Variants in ZFHX4 observed in about 807,000 individuals in gnomAD.
ZFHX4 encodes the protein zinc finger homeobox protein 4.
In ZFHX4, 56 loss-of-function variants were observed where a neutral mutation model predicts 267.6. That is an observed-to-expected ratio of 0.21 (90% confidence interval 0.17 to 0.26). ZFHX4 has a LOEUF of 0.26. ZFHX4 is among the 10% of genes least tolerant of loss of function. The pLI, the probability that ZFHX4 is intolerant of heterozygous loss-of-function variation, is 1.00. For synonymous variants in ZFHX4, 1,778 were observed against 1,665.6 expected (o/e 1.07, Z -1.64); for missense variants, 4,332 against 4,420.0 (o/e 0.98, Z 0.56).
intron 6 of ZFHX4, among the ~76,000 whole-genome samples, chr8:76,843,039 AT>A (rs1812277923): frequency 6.6e-6 from 1 of 152,178 alleles, no homozygotes; most frequent in Non-Finnish European, 1.5e-5. Flanking sequence ...CAGTGAGATT[AT>A]TTTTTAATCA....
chr8:76,719,692 C>T (rs1433249822), intron 3 of ZFHX4, among the ~76,000 whole-genome samples: 1 of 152,038 alleles, frequency 6.6e-6, no homozygotes, highest in Non-Finnish European at 1.5e-5. Context: ...TAATAGATAC[C>T]ACAAGATTCT....
At chr8:76,756,997 G>T in intron 3 of ZFHX4, among the ~76,000 whole-genome samples, 1 of 152,058 alleles carries the variant, frequency 6.6e-6, no homozygotes, top group East Asian at 1.9e-4. Context: ...AGCAGTGAAA[G>T]AATTTACCAT....
At position 76,779,382 on chromosome 8, in the gene ZFHX4, G is replaced by T. The variant is rs149686836; in HGVS notation, c.3325+943G>T. Reference sequence around the variant, plus strand: ...TAAAAATATACTTGAATTAGTGGTTGTGAACTTCAAAGTAAAGTTTAGACA... The same window carrying T: ...TAAAAATATACTTGAATTAGTGGTTTTGAACTTCAAAGTAAAGTTTAGACA... On this transcript the variant is annotated intron_variant, in intron 4 of 10. Transcript: ENST00000651372. Among the ~76,000 whole-genome samples, 1,005 of 152,198 alleles carry T rather than the reference G, an allele frequency of 6.6e-3. 19 individuals carry two copies. Among genetic ancestry groups the T allele is most frequent in the African/African-American group, 0.023 (952 of 41,512 alleles).
In ZFHX4 at chr8:76,705,039, C is replaced by T. The variant is rs754492746; in HGVS notation, c.951C>T (p.Cys317=). 1.4e-5 allele frequency: 22 copies of T among 1,613,792 alleles called. No individual in the cohort carries two copies. Among genetic ancestry groups the T allele is most frequent in the African/African-American group, 5.3e-5 (4 of 74,920 alleles). Residue 317 remains cysteine, a synonymous_variant, in exon 2 of 11, where the codon TGC becomes TGT. Coordinates refer to ENST00000651372, the MANE Select transcript of ZFHX4 (RefSeq NM_024721.5). The part of the protein sequence containing the change: ...DEEQKLLSNK[C]VSAIIQGIGK... ...AGCAGAAGCTCCTCAGTAATAAATG[C>T]GTCTCCGCCATAATACAGGGGATTG...
chr8:76,830,219 T>A (rs1811899210), intron 4 of ZFHX4, among the ~76,000 whole-genome samples: 1 of 152,204 alleles, frequency 6.6e-6, no homozygotes. Context: ...ATGATGTTGA[T>A]CACTCCCACA....
intron 3 of ZFHX4, among the ~76,000 whole-genome samples, chr8:76,726,512 T>C (rs1808857312): frequency 1.3e-5 from 2 of 152,240 alleles, no homozygotes; most frequent in Non-Finnish European, 2.9e-5. Context: ...GTTTTCATTT[T>C]AGTAGTGGTT....
At position 76,864,004 on chromosome 8, in the gene ZFHX4, G is replaced by A; in HGVS notation, c.10290G>A (p.Gln3430=). The A allele has an allele frequency of 6.2e-7, 1 of 1,613,784 alleles. No individual in the cohort carries two copies. Among genetic ancestry groups the A allele is most frequent in the Non-Finnish European group, 8.5e-7 (1 of 1,179,812 alleles). The part of the protein sequence containing the change: ...NHQKSFCYFG[Q]PLIDPQETVL... ...AAAAGTCCTTCTGTTATTTCGGTCA[G>A]CCTTTGATTGACCCACAAGAGACAG... The change falls in exon 11 of 11, where the codon CAG becomes CAA. Residue 3430 remains glutamine, a synonymous_variant. Coordinates refer to ENST00000651372, the MANE Select transcript of ZFHX4 (RefSeq NM_024721.5).
chr8:76,735,196 A>C (rs1341725404), intron 3 of ZFHX4, among the ~76,000 whole-genome samples: 3 of 152,134 alleles, frequency 2.0e-5, no homozygotes, highest in Non-Finnish European at 4.4e-5. Flanking sequence ...ATTGTACATA[A>C]GCACATTGAT....
chr8:76,755,633 A>G (rs993958994), intron 3 of ZFHX4, among the ~76,000 whole-genome samples: 2 of 152,208 alleles, frequency 1.3e-5, no homozygotes, highest in African/African-American at 4.8e-5. Context: ...AAGGCTGAAC[A>G]TTCTATTAGT....
intron 4 of ZFHX4, among the ~76,000 whole-genome samples, chr8:76,795,780 G>A (rs552692454): frequency 1.4e-4 from 21 of 152,044 alleles, no homozygotes; most frequent in East Asian, 1.9e-4. Flanking sequence ...CAGGTGATCC[G>A]CCCGCCTCCA....
rs1300075131 is a variant in ZFHX4 at position 76,706,017 on chromosome 8, C to T, written c.1929C>T (p.Thr643=). The part of the protein sequence containing the change: ...TMMHSRNSCK[T]LKCPKCNWHY... ...TGCACTCGAGGAACTCATGCAAAAC[C>T]CTCAAATGTCCTAAATGTAACTGGC... is the stretch of plus-strand genomic sequence containing the variant. The change falls in exon 2 of 11, where the codon ACC becomes ACT. Residue 643 remains threonine, a synonymous_variant. Coordinates refer to ENST00000651372, the MANE Select transcript of ZFHX4 (RefSeq NM_024721.5). 1 of 1,613,542 alleles carries T rather than the reference C, an allele frequency of 6.2e-7. No individual in the cohort carries two copies. The highest frequency in any genetic ancestry group is 1.1e-5 in the South Asian group (1 of 91,040).
chr8:76,712,779 T>C (rs1808460174), intron 3 of ZFHX4, among the ~76,000 whole-genome samples: 1 of 152,198 alleles, frequency 6.6e-6, no homozygotes, highest in South Asian at 2.1e-4. Flanking sequence ...CACTTTTGTA[T>C]TAGTTTCAGA....
At position 76,707,619 on chromosome 8, in the gene ZFHX4, T is replaced by C; in HGVS notation, c.2664T>C (p.Thr888=). The change falls in exon 3 of 11, where the codon ACT becomes ACC. Residue 888 remains threonine (T), a synonymous_variant. Transcript: ENST00000651372. ...TGGGTGATGACCTGTCCCTCCTTAC[T>C]GCAGGAGAGCTGTCACCTTATATCA... The part of the protein sequence containing the change: ...QLMGDDLSLL[T]AGELSPYISD... 6.2e-7 allele frequency: 1 copy of C among 1,613,944 alleles called. No individual in the cohort carries two copies. The highest frequency in any genetic ancestry group is 2.2e-5 in the East Asian group (1 of 44,876).
chr8:76,826,953 G>C (rs189444456), intron 4 of ZFHX4, among the ~76,000 whole-genome samples: 1 of 152,258 alleles, frequency 6.6e-6, no homozygotes, highest in African/African-American at 2.4e-5. Flanking sequence ...CTATTATTGG[G>C]TGGAAGAGGG....
chr8:76,828,413 T>C (rs995911940), intron 4 of ZFHX4, among the ~76,000 whole-genome samples: 10 of 152,214 alleles, frequency 6.6e-5, no homozygotes, highest in Non-Finnish European at 1.2e-4. Flanking sequence ...TCTGCTGCCC[T>C]GTGCCTTTAG....
At chr8:76,811,366 T>A (rs998467148) in intron 4 of ZFHX4, among the ~76,000 whole-genome samples, 1 of 152,226 alleles carries the variant, frequency 6.6e-6, no homozygotes, top group African/African-American at 2.4e-5. Flanking sequence ...TAATGTGCAC[T>A]ATTTGACTGT....
chr8:76,839,053 A>AAGAGAGAGAGAGAGAGAG (rs35873786), intron 5 of ZFHX4, among the ~76,000 whole-genome samples: 2 of 107,454 alleles, frequency 1.9e-5, no homozygotes, highest in Admixed American at 1.1e-4. Flanking sequence ...CTCTGTCTGA[A>AAGAGAGAGAGAGAGAGAG]AGAGAGAGAG....
At chr8:76,717,551 G>T (rs11787532) in intron 3 of ZFHX4, among the ~76,000 whole-genome samples, 3 of 152,018 alleles carry the variant, frequency 2.0e-5, no homozygotes, top group Non-Finnish European at 4.4e-5. Context: ...ATGGAAACTC[G>T]CAATAACTAT....
chr8:76,819,816 C>A (rs1395505218), intron 4 of ZFHX4, among the ~76,000 whole-genome samples: 1 of 152,188 alleles, frequency 6.6e-6, no homozygotes, highest in Non-Finnish European at 1.5e-5. Context: ...TTCTTCCCAA[C>A]AATTAATAGT....
Sources: allele counts gnomAD v4.1 joint callset (sites outside exome capture counted in the v4.1 genomes callset), GRCh38; gene constraint gnomAD v4.1.1; transcripts MANE v1.5; gene names NCBI Gene and HGNC (gene_info 2026-07-23, HGNC 2026-07-21).